The following PDE1A variants were observed in gnomAD, a reference collection of about 807,000 sequenced individuals.
PDE1A encodes dual specificity calcium/calmodulin-dependent 3',5'-cyclic nucleotide phosphodiesterase 1A.
Under a neutral mutation model 61.7 loss-of-function variants are expected in PDE1A, and 35 were observed. The observed-to-expected ratio is 0.57, with a 90% confidence interval of 0.43 to 0.75. PDE1A has a LOEUF of 0.75. PDE1A is among the 30% of genes least tolerant of loss of function. PDE1A has a pLI of 0.00. For synonymous variants in PDE1A, 232 were observed against 213.2 expected, an observed-to-expected ratio of 1.09 and a Z score of -0.77; for missense variants, 597 against 630.6, an observed-to-expected ratio of 0.95 and a Z score of 0.57.
chr2:182,488,545 G>A (rs1001503694), intron 2 of PDE1A, among the ~76,000 whole-genome samples: 3 of 152,168 alleles, frequency 2.0e-5, no homozygotes, highest in East Asian at 1.9e-4. Context: ...GTACTGTAGT[G>A]TTGATTCACA....
chr2:182,577,990 A>AAGGGAGGGAGGG, the PDE1A span, among the ~76,000 whole-genome samples: 4 of 137,616 alleles, frequency 2.9e-5, no homozygotes, highest in African/African-American at 1.1e-4. Context: ...GGAAGGAAGG[A>AAGGGAGGGAGGG]AGGGACGGAG....
intron 2 of PDE1A, among the ~76,000 whole-genome samples, chr2:182,468,794 C>G (rs1364375460): frequency 6.6e-6 from 1 of 151,992 alleles, no homozygotes; most frequent in Non-Finnish European, 1.5e-5. Context: ...TGGTCCATGG[C>G]TTCAGAATGG....
In PDE1A at chr2:182,262,725, C is replaced by A. The variant is rs1203570041; in HGVS notation, c.167+1576G>T. Among the ~76,000 whole-genome samples, 5 of 151,278 alleles carry A rather than the reference C, an allele frequency of 3.3e-5. No homozygotes were observed. In the East Asian group the frequency reaches 9.7e-4, roughly 29 times the overall value. On this transcript the variant is annotated intron_variant, in intron 2 of 13. Transcript: ENST00000351439. The stretch of plus-strand genomic sequence containing the variant: ...TCTCATTGTCAAATATTTAAAAAAT[C>A]AGAATAAAATAAAAGGAAACTTTTA...
At chr2:182,600,519 G>C in the PDE1A span, among the ~76,000 whole-genome samples, 1 of 152,136 alleles carries the variant, frequency 6.6e-6, no homozygotes, top group Non-Finnish European at 1.5e-5. Context: ...CTTCAGGTTT[G>C]TTTACAAAAA....
chr2:182,240,374 AT>A, intron 2 of PDE1A, 82 bp from the exon 3 acceptor site: 1 of 797,064 alleles, frequency 1.3e-6, no homozygotes, highest in Non-Finnish European at 1.9e-6. Flanking sequence ...TTGCAATGGG[AT>A]TTAAAATATA....
chr2:182,182,027 C>T lies in PDE1A; in HGVS notation c.1516+3865G>A, dbSNP rs1408722295. Among the ~76,000 whole-genome samples, 6 of 152,224 alleles carry T rather than the reference C, an allele frequency of 3.9e-5. No individual in the cohort carries two copies. The East Asian group carries it at 1.2e-3, about 29-fold the overall frequency. ...TAAATCAATTTTACTGTTTTTTACA[C>T]TTTATTTTGCAGTCATGAACAATGC... On this transcript the variant is annotated intron_variant, in intron 13 of 13. Transcript: ENST00000351439.
chr2:182,295,777 A>G (rs1356130575), intron 1 of PDE1A, among the ~76,000 whole-genome samples: 2 of 152,184 alleles, frequency 1.3e-5, no homozygotes, highest in African/African-American at 4.8e-5. Context: ...GAAAGAAAAA[A>G]ATGTTTGATT....
chr2:182,385,452 G>T (rs1308149105), intron 1 of PDE1A, among the ~76,000 whole-genome samples: 1 of 151,814 alleles, frequency 6.6e-6, no homozygotes, highest in Non-Finnish European at 1.5e-5. Context: ...TATTTTGTGG[G>T]TTTTTTTAAA....
chr2:182,483,984 C>G (rs1268529140), intron 2 of PDE1A, among the ~76,000 whole-genome samples: 1 of 151,742 alleles, frequency 6.6e-6, no homozygotes, highest in Non-Finnish European at 1.5e-5. Flanking sequence ...TTGAACAACT[C>G]TATGCCAAAA....
Position 182,152,793 on chromosome 2 carries a change from C to T in PDE1A, c.1517-5641G>A, listed in dbSNP as rs532647940. On this transcript the variant is annotated intron_variant, in intron 13 of 13. Coordinates refer to the PDE1A transcript ENST00000409365. ...ATGTGTTCGTTTACTTTGCAGTATG[C>T]GTGAAGGCAACAGTAAGAGAAGACA... Among the ~76,000 whole-genome samples, 5 of 152,064 alleles carry T rather than the reference C, an allele frequency of 3.3e-5. No individual in the cohort carries two copies. In the East Asian group the frequency reaches 5.8e-4, roughly 18 times the overall value.
chr2:182,223,825 A>G (rs1434800931), intron 7 of PDE1A, 39 bp downstream of exon 7: 1 of 1,196,904 alleles, frequency 8.4e-7, no homozygotes, highest in Non-Finnish European at 1.2e-6. Flanking sequence ...ATAAATTTCA[A>G]ATTTTAACTA....
chr2:182,209,303 G>T lies in PDE1A; in HGVS notation c.777-3238C>A, dbSNP rs114735227. Among the ~76,000 whole-genome samples, 1,269 of 151,976 alleles carry T rather than the reference G, an allele frequency of 8.3e-3. 14 individuals carry two copies. The highest frequency in any genetic ancestry group is 0.051 in the South Asian group (246 of 4,800). On this transcript the variant is annotated intron_variant, in intron 7 of 13. Transcript: ENST00000351439. ...TCCCCTTATCCAACCATCAAATCTC[G>T]TGAGACTTATTCACTATCACGAGAA...
the PDE1A span, among the ~76,000 whole-genome samples, chr2:182,592,289 TTCTC>T: frequency 6.6e-6 from 1 of 152,320 alleles, no homozygotes; most frequent in African/African-American, 2.4e-5. Context: ...GCTCTACAGT[TTCTC>T]TCCGAGTTTC....
chr2:182,540,366 G>GAAAAA, the PDE1A span, among the ~76,000 whole-genome samples: 1 of 108,406 alleles, frequency 9.2e-6, no homozygotes, highest in African/African-American at 3.9e-5. Flanking sequence ...CTGTCTCAAA[G>GAAAAA]AAAAAAAAAA....
the PDE1A span, among the ~76,000 whole-genome samples, chr2:182,592,047 G>A: frequency 6.6e-6 from 1 of 152,134 alleles, no homozygotes; most frequent in African/African-American, 2.4e-5. Context: ...CCTGATTAGA[G>A]TATTTCAAAT....
intron 1 of PDE1A, among the ~76,000 whole-genome samples, chr2:182,303,281 A>G (rs1473948214): frequency 6.6e-6 from 1 of 152,164 alleles, no homozygotes; most frequent in Admixed American, 6.6e-5. Context: ...GAAAGTCAAA[A>G]TTACTCCTTG....
chr2:182,552,030 T>G, the PDE1A span, among the ~76,000 whole-genome samples: 1 of 152,188 alleles, frequency 6.6e-6, no homozygotes, highest in East Asian at 1.9e-4. Context: ...ACTTTTTGAC[T>G]TCCAATGATC....
downstream of PDE1A, chr2:182,143,145 A>C (rs1690308110): frequency 6.6e-6 from 1 of 152,220 alleles, no homozygotes; most frequent in Admixed American, 6.5e-5. Flanking sequence ...AGGAGGAATC[A>C]GTTCAAGGGT....
At chr2:182,272,270 G>A (rs1559280421) in intron 1 of PDE1A, among the ~76,000 whole-genome samples, 1 of 152,150 alleles carries the variant, frequency 6.6e-6, no homozygotes, top group Non-Finnish European at 1.5e-5. Context: ...ATGTACCTGT[G>A]CAGTCACTCA....
Sources: gnomAD v4.1 joint callset for allele counts (sites outside exome capture counted in the v4.1 genomes callset) on GRCh38, gnomAD v4.1.1 for gene constraint, MANE v1.5 for transcripts, NCBI Gene and HGNC (gene_info 2026-07-23, HGNC 2026-07-21) for gene names.